The following ACCSL variants were observed in gnomAD, a reference collection of about 807,000 sequenced individuals.
ACCSL encodes the protein 1-aminocyclopropane-1-carboxylate synthase homolog (inactive) like.
A neutral mutation model predicts 61.7 loss-of-function variants in ACCSL; 55 were observed. The observed-to-expected ratio is 0.89, with a 90% confidence interval of 0.72 to 1.12. The LOEUF (loss-of-function observed/expected upper bound fraction) is 1.12, where lower values mean the gene tolerates loss of function less well. ACCSL is among the 50% of genes most tolerant of loss of function. The pLI is 0.00. For missense variants in ACCSL, 632 were observed against 698.0 expected (o/e 0.91, Z 1.07); for synonymous variants, 258 against 264.3 (o/e 0.98, Z 0.23).
the ACCSL span, among the ~76,000 whole-genome samples, chr11:44,039,142 A>G: frequency 6.6e-6 from 1 of 152,098 alleles, no homozygotes; most frequent in Non-Finnish European, 1.5e-5. Context: ...GACAGAGGAG[A>G]TGGGCTCCCA....
At chr11:44,013,348 C>T in the ACCSL span, among the ~76,000 whole-genome samples, 87 of 152,276 alleles carry the variant, frequency 5.7e-4, no homozygotes, top group African/African-American at 1.9e-3. Context: ...GGCGCAATCT[C>T]GGCTCGCTGC....
the ACCSL span, among the ~76,000 whole-genome samples, chr11:43,941,291 G>A: frequency 3.9e-5 from 6 of 152,148 alleles, no homozygotes; most frequent in Non-Finnish European, 7.3e-5. Context: ...TGTATCATCT[G>A]TCTCTCCCCA....
At chr11:43,949,292 G>A in the ACCSL span, among the ~76,000 whole-genome samples, 1 of 152,168 alleles carries the variant, frequency 6.6e-6, no homozygotes, top group Non-Finnish European at 1.5e-5. Context: ...AGAACTGCAG[G>A]GAGATAGCAA....
chr11:43,977,162 C>T, the ACCSL span, among the ~76,000 whole-genome samples: 4 of 152,172 alleles, frequency 2.6e-5, no homozygotes, highest in Admixed American at 1.3e-4. Flanking sequence ...GCTTTGGTGG[C>T]CCCATGAGCT....
chr11:44,031,701 A>T, the ACCSL span, among the ~76,000 whole-genome samples: 42 of 152,286 alleles, frequency 2.8e-4, no homozygotes, highest in African/African-American at 9.4e-4. Context: ...AGTCAGGCTG[A>T]TGGGGAGTCT....
At chr11:43,999,834 C>G in the ACCSL span, among the ~76,000 whole-genome samples, 1 of 143,814 alleles carries the variant, frequency 7.0e-6, no homozygotes, top group African/African-American at 2.5e-5. Flanking sequence ...GTTCCACATC[C>G]ACAGATCAAA....
the ACCSL span, among the ~76,000 whole-genome samples, chr11:44,017,488 C>A: frequency 5.3e-5 from 8 of 152,174 alleles, no homozygotes; most frequent in African/African-American, 1.9e-4. Context: ...CAGGAACAGG[C>A]AAGAGTAGCC....
chr11:43,934,632 G>A, the ACCSL span, among the ~76,000 whole-genome samples: 91 of 152,262 alleles, frequency 6.0e-4, no homozygotes, highest in Middle Eastern at 0.01. Context: ...TGGGTGAGGC[G>A]GGGGATGGCC....
chr11:44,052,994 A>T lies in ACCSL; in HGVS notation c.874A>T (p.Thr292Ser), dbSNP rs190671293. Residue 292 changes from threonine (T) to serine (S), a missense_variant, in exon 7 of 14, where the codon ACT becomes TCT. Physicochemically the swap from Thr to Ser is moderately conservative, Grantham distance 58 (BLOSUM62 1). Transcript: ENST00000378832. The part of the protein sequence containing the change: ...LIPVHLESEV[T>S]VTNTHPFQLT... ...TCACATAGTGTTTCTCTTCCAGGTC[A>T]CTGTTACAAACACCCATCCTTTCCA... 4 of 1,613,862 alleles carry T rather than the reference A, an allele frequency of 2.5e-6. No individual in the cohort carries two copies. The Admixed American group carries it at 5.0e-5, about 20-fold the overall frequency.
At chr11:43,928,540 G>A in the ACCSL span, among the ~76,000 whole-genome samples, 9 of 152,290 alleles carry the variant, frequency 5.9e-5, no homozygotes, top group South Asian at 2.1e-4. Flanking sequence ...CTGCAGGCCC[G>A]GTCTCTGCCA....
chr11:44,036,045 C>T, the ACCSL span, among the ~76,000 whole-genome samples: 2 of 152,050 alleles, frequency 1.3e-5, no homozygotes, highest in Non-Finnish European at 2.9e-5. Context: ...CTTCAGTGCC[C>T]TTTGAAAAAC....
At position 44,058,599 on chromosome 11, in the gene ACCSL, G is replaced by T; in HGVS notation, c.1524G>T (p.Leu508=). ...EEERLLYCRF[L]DNKLLLSRGK... ...AACGGCTCCTCTATTGCCGCTTCCT[G>T]GACAACAAGCTATTGTTATCCCGTG... Residue 508 remains leucine (L), a synonymous_variant, in exon 13 of 14, where the codon CTG becomes CTT. Coordinates refer to ENST00000378832, the MANE Select transcript of ACCSL (RefSeq NM_001031854.2). 6.2e-7 allele frequency: 1 copy of T among 1,614,054 alleles called. No individual in the cohort carries two copies. Among genetic ancestry groups the T allele is most frequent in the South Asian group, 1.1e-5 (1 of 91,068 alleles).
the ACCSL span, chr11:43,926,684 AAAAG>A: frequency 1.6e-5 from 5 of 322,522 alleles, no homozygotes; most frequent in Non-Finnish European, 3.1e-5. Flanking sequence ...CAAGAAATTA[AAAAG>A]AAAGATAAAA....
At chr11:44,019,430 C>G in the ACCSL span, among the ~76,000 whole-genome samples, 1 of 152,128 alleles carries the variant, frequency 6.6e-6, no homozygotes, top group Non-Finnish European at 1.5e-5. Flanking sequence ...ACATCCTTGC[C>G]AACACTTGTT....
intron 1 of ACCSL, among the ~76,000 whole-genome samples, chr11:44,049,010 A>G (rs1952618577): frequency 1.3e-5 from 2 of 152,136 alleles, no homozygotes; most frequent in South Asian, 4.1e-4. Flanking sequence ...CACACGTGAA[A>G]CCTTCAAGAT....
the ACCSL span, among the ~76,000 whole-genome samples, chr11:43,980,840 G>T: frequency 6.5e-3 from 951 of 147,228 alleles, 6 homozygotes; most frequent in African/African-American, 0.022. Context: ...TCCAACTATG[G>T]GGTAAGCGCT....
chr11:43,983,459 C>A, the ACCSL span, among the ~76,000 whole-genome samples: 2 of 152,070 alleles, frequency 1.3e-5, no homozygotes, highest in Non-Finnish European at 2.9e-5. Flanking sequence ...GGGAACCAGC[C>A]ACGGGTTATA....
chr11:43,933,166 T>C, the ACCSL span: 1 of 456,260 alleles, frequency 2.2e-6, no homozygotes, highest in Non-Finnish European at 4.4e-6. Flanking sequence ...TCAGGCTTGC[T>C]TTATGGAATC....
At chr11:43,922,229 T>C in the ACCSL span, 1 of 152,046 alleles carries the variant, frequency 6.6e-6, no homozygotes, top group Non-Finnish European at 1.5e-5. Context: ...AAGAGAGAGG[T>C]CCTATTCCCA....
Sources: gnomAD v4.1 joint callset for allele counts (sites outside exome capture counted in the v4.1 genomes callset) on GRCh38, gnomAD v4.1.1 for gene constraint, MANE v1.5 for transcripts, NCBI Gene and HGNC (gene_info 2026-07-23, HGNC 2026-07-21) for gene names.